The following DLG1 variants were observed in gnomAD, a reference collection of about 807,000 sequenced individuals.
The protein encoded by DLG1 is discs large MAGUK scaffold protein 1, also known as disks large homolog 1.
A neutral mutation model predicts 123.4 loss-of-function variants in DLG1; 42 were observed. The observed-to-expected ratio is 0.34, with a 90% CI of 0.27 to 0.44. The LOEUF (loss-of-function observed/expected upper bound fraction) is 0.44. Among genes scored for constraint, DLG1 ranks in the 20% least tolerant of loss-of-function variants. DLG1 has a pLI of 1.00. For missense variants in DLG1, 942 were observed against 1,082.6 expected (o/e 0.87, Z 1.82); for synonymous variants, 317 against 356.2 (o/e 0.89, Z 1.24).
chr3:197,083,678 C>T (rs977605119), intron 16 of DLG1, among the ~76,000 whole-genome samples: 4 of 152,174 alleles, frequency 2.6e-5, no homozygotes, highest in Non-Finnish European at 5.9e-5. Flanking sequence ...ATCATTAGGG[C>T]TGGCTGCAGT....
intron 4 of DLG1, among the ~76,000 whole-genome samples, chr3:197,280,956 T>C (rs1257925415): frequency 6.6e-6 from 1 of 151,956 alleles, no homozygotes. Context: ...AAGGGCCTTC[T>C]TGTTACATCT....
chr3:197,225,551 C>A lies in DLG1; in HGVS notation c.319-30962G>T, dbSNP rs138332167. ...ATGTCAGAAACCATCTCCAGTCCTG[C>A]GTATCAATGGTGTTTCCTGTACACT... On this transcript the variant is annotated intron_variant, in intron 4 of 24. Coordinates refer to ENST00000667157, the MANE Select transcript of DLG1 (RefSeq NM_001366207.1). Among the ~76,000 whole-genome samples, 3 of 152,306 alleles carry A rather than the reference C, an allele frequency of 2.0e-5. No individual in the cohort carries two copies. In the East Asian group the frequency reaches 5.8e-4, roughly 29 times the overall value.
intron 5 of DLG1, among the ~76,000 whole-genome samples, chr3:197,190,449 T>C (rs138310726): frequency 6.6e-6 from 1 of 152,334 alleles, no homozygotes; most frequent in Non-Finnish European, 1.5e-5. Context: ...ATCCTACAAA[T>C]ACTTTTATGT....
At chr3:197,222,895 TC>T (rs909869242) in intron 4 of DLG1, among the ~76,000 whole-genome samples, 34 of 152,324 alleles carry the variant, frequency 2.2e-4, no homozygotes, top group Admixed American at 1.7e-3. Flanking sequence ...GCAAGAACTT[TC>T]AAGAGCTTGA....
intron 4 of DLG1, among the ~76,000 whole-genome samples, chr3:197,210,003 T>C (rs1418793561): frequency 4.1e-5 from 6 of 146,326 alleles, no homozygotes; most frequent in Admixed American, 1.4e-4. Flanking sequence ...TTGGAAATTT[T>C]CTGGACTTTT....
chr3:197,100,958 C>T (rs1763119840), intron 14 of DLG1, among the ~76,000 whole-genome samples: 2 of 152,112 alleles, frequency 1.3e-5, no homozygotes, highest in African/African-American at 4.8e-5. Context: ...GTACGTTTTT[C>T]TAATAAAAGC....
intron 5 of DLG1, chr3:197,184,077 A>AT: frequency 8.2e-7 from 1 of 1,218,840 alleles, no homozygotes; most frequent in South Asian, 2.4e-5. Flanking sequence ...CTTTCTCATG[A>AT]TTATTTTTTC....
intron 4 of DLG1, among the ~76,000 whole-genome samples, chr3:197,232,660 C>T (rs1409689096): frequency 6.6e-6 from 1 of 151,142 alleles, no homozygotes; most frequent in Non-Finnish European, 1.5e-5. Flanking sequence ...ATTTGTTCAA[C>T]AAATGGTATT....
At chr3:197,056,050 A>G (rs1236963908) in intron 23 of DLG1, among the ~76,000 whole-genome samples, 2 of 152,218 alleles carry the variant, frequency 1.3e-5, no homozygotes, top group African/African-American at 4.8e-5. Context: ...ACGAACAGGT[A>G]GTTGCTACCA....
chr3:197,108,598 G>A (rs1767951037), intron 13 of DLG1, among the ~76,000 whole-genome samples: 2 of 151,854 alleles, frequency 1.3e-5, no homozygotes, highest in Admixed American at 1.3e-4. Context: ...ACTACATAAT[G>A]ATATACTATA....
At chr3:197,197,137 G>A (rs1024091965) in intron 4 of DLG1, among the ~76,000 whole-genome samples, 14 of 152,298 alleles carry the variant, frequency 9.2e-5, no homozygotes, top group Admixed American at 3.3e-4. Flanking sequence ...AGAGGTTCCA[G>A]TAGAATGACT....
rs1279269818 is a variant in DLG1, at chr3:197,194,504, A to G, written c.404T>C (p.Val135Ala). Reference sequence around the variant, plus strand: ...TGATAAGTTCTTCTCTGAGACATGAACCAATTCTGGACCTATCACTTCATT... The same window carrying G: ...TGATAAGTTCTTCTCTGAGACATGAGCCAATTCTGGACCTATCACTTCATT... ...ITNEVIGPELVHVSEKNLSEI... is the reference protein window; with the variant it reads ...ITNEVIGPELAHVSEKNLSEI... The change falls in exon 5 of 25, where the codon GTT becomes GCT. Residue 135 changes from valine (V) to alanine (A), a missense_variant. Physicochemically the swap from Val to Ala is moderately conservative, Grantham distance 64. Transcript: ENST00000667157. 1 of 1,607,368 alleles carries G rather than the reference A, an allele frequency of 6.2e-7. No homozygotes were observed. Among genetic ancestry groups the G allele is most frequent in the South Asian group, 1.1e-5 (1 of 89,738 alleles).
intron 10 of DLG1, among the ~76,000 whole-genome samples, chr3:197,134,472 C>CAAAAAAAAAAAAAAAAAAAAAAA (rs11319273): frequency 2.1e-5 from 2 of 96,576 alleles, no homozygotes; most frequent in Non-Finnish European, 4.2e-5. Context: ...TTCATAATAC[C>CAAAAAAAAAAAAAAAAAAAAAAA]AAAAAAAAAA....
Position 197,130,425 on chromosome 3 carries a change from T to C in DLG1, c.1165+102A>G, listed in dbSNP as rs751381922. On this transcript the variant is annotated intron_variant, in intron 11 of 24. Transcript: ENST00000667157. ...TGCTTAATTGTTTCTTTAAAAATATTTGCATAATGTTTAAACTTTATTATA... is the reference window on the plus strand; with the variant it reads ...TGCTTAATTGTTTCTTTAAAAATATCTGCATAATGTTTAAACTTTATTATA... 40 of 1,025,484 alleles carry C rather than the reference T, an allele frequency of 3.9e-5. No homozygotes were observed. In the Admixed American group the frequency reaches 1.2e-3, roughly 30 times the overall value. The allele number at this position is 1,025,484 out of a possible 1,614,324, so 63.5% of individuals were successfully genotyped here.
intron 10 of DLG1, among the ~76,000 whole-genome samples, chr3:197,131,249 T>C (rs1405063441): frequency 6.6e-6 from 1 of 152,246 alleles, no homozygotes; most frequent in Non-Finnish European, 1.5e-5. Context: ...AGTAAATTTA[T>C]ACTCACTACC....
chr3:197,279,812 C>T (rs1768295622), intron 4 of DLG1, among the ~76,000 whole-genome samples: 4 of 152,116 alleles, frequency 2.6e-5, no homozygotes, highest in Admixed American at 2.6e-4. Context: ...TTTCAGCTTA[C>T]AAAACTGTCC....
At chr3:197,172,566 G>A (rs1307408882) in intron 5 of DLG1, among the ~76,000 whole-genome samples, 3 of 152,034 alleles carry the variant, frequency 2.0e-5, no homozygotes, top group East Asian at 1.9e-4. Flanking sequence ...AAAACCATGC[G>A]ACTGTCAAAA....
intron 4 of DLG1, among the ~76,000 whole-genome samples, chr3:197,257,018 C>A (rs921662695): frequency 6.6e-6 from 1 of 152,138 alleles, no homozygotes; most frequent in Non-Finnish European, 1.5e-5. Flanking sequence ...GGCAGTCAAA[C>A]AATCAGCCAA....
At chr3:197,293,311 TA>T (rs1269361577) in intron 3 of DLG1, among the ~76,000 whole-genome samples, 1 of 152,222 alleles carries the variant, frequency 6.6e-6, no homozygotes, top group Middle Eastern at 3.2e-3. Flanking sequence ...TCAAAATTAG[TA>T]AAAACTTTTC....
Sources: gnomAD v4.1 joint callset for allele counts (sites outside exome capture counted in the v4.1 genomes callset) on GRCh38, gnomAD v4.1.1 for gene constraint, MANE v1.5 for transcripts, NCBI Gene and HGNC (gene_info 2026-07-23, HGNC 2026-07-21) for gene names.